The following SERPINA1 variants were observed in gnomAD, a reference collection of about 807,000 sequenced individuals.
SERPINA1 encodes the protein serpin family A member 1, also known as alpha-1-antitrypsin.
In SERPINA1, 21 loss-of-function variants were observed where a neutral mutation model predicts 25.4. The observed-to-expected ratio is 0.83, with a 90% CI of 0.59 to 1.19. The LOEUF (loss-of-function observed/expected upper bound fraction) is 1.19. Among genes scored for constraint, SERPINA1 ranks in the 50% most tolerant of loss-of-function variants. The probability of loss-of-function intolerance (pLI) is 0.00; values close to 1 mark genes in which losing one functional copy is unlikely to be tolerated. For missense variants in SERPINA1, 546 were observed against 509.0 expected (o/e 1.07, Z -0.70); for synonymous variants, 218 against 211.1 (o/e 1.03, Z -0.29).
chr14:94,388,207 G>A (rs1229661336), intron 1 of SERPINA1, among the ~76,000 whole-genome samples: 1 of 152,156 alleles, frequency 6.6e-6, no homozygotes, highest in Non-Finnish European at 1.5e-5. Flanking sequence ...TGTGCAAACA[G>A]AAAGAAATGG....
rs1896578057 is a variant in SERPINA1 at position 94,378,691 on chromosome 14, A to G, written c.1066-51T>C. 3.9e-6 allele frequency: 6 copies of G among 1,556,874 alleles called. No homozygotes were observed. In the African/African-American group the frequency reaches 9.1e-5, roughly 24 times the overall value. On this transcript the variant is annotated intron_variant, in intron 4 of 4. Transcript: ENST00000393087. Reference sequence around the variant, plus strand: ...GTTGTAAGGCTGATCCCAGGCCTCGAGCAAGGCTCACGTGGACACCTCCCA... The same window carrying G: ...GTTGTAAGGCTGATCCCAGGCCTCGGGCAAGGCTCACGTGGACACCTCCCA...
intron 1 of SERPINA1, among the ~76,000 whole-genome samples, chr14:94,384,946 T>C (rs1007998141): frequency 6.6e-6 from 1 of 152,250 alleles, no homozygotes; most frequent in South Asian, 2.1e-4. Context: ...ACACATTACA[T>C]AATACATGTT....
At chr14:94,383,480 A>G in intron 1 of SERPINA1, 2 of 577,858 alleles carry the variant, frequency 3.5e-6, no homozygotes, top group Non-Finnish European at 6.2e-6. Context: ...TTCTTGTAAC[A>G]ATCCCGTGAG....
chr14:94,378,548 G>C lies in SERPINA1; in HGVS notation c.1158C>G (p.Pro386=). The C allele has an allele frequency of 6.2e-7, 1 of 1,612,774 alleles. No homozygotes were observed. Among genetic ancestry groups the C allele is most frequent in the Non-Finnish European group, 8.5e-7 (1 of 1,178,926 alleles). The part of the protein sequence containing the change: ...FLEAIPMSIP[P]EVKFNKPFVF... ...CAAAGGGTTTGTTGAACTTGACCTC[G>C]GGGGGGATAGACATGGGTATGGCCT... The change falls in exon 5 of 5, where the codon CCC becomes CCG. Residue 386 remains proline, a synonymous_variant. Coordinates refer to ENST00000393087, the MANE Select transcript of SERPINA1 (RefSeq NM_000295.5).
chr14:94,384,373 G>A (rs959288578), intron 1 of SERPINA1, among the ~76,000 whole-genome samples: 2 of 152,094 alleles, frequency 1.3e-5, no homozygotes, highest in Admixed American at 6.5e-5. Flanking sequence ...TTGAGGGAGG[G>A]GTTGGCAGGT....
intron 1 of SERPINA1, among the ~76,000 whole-genome samples, chr14:94,386,131 C>T (rs1173512858): frequency 6.6e-6 from 1 of 152,202 alleles, no homozygotes; most frequent in East Asian, 1.9e-4. Context: ...GAGGCAGCAC[C>T]CTGCACTCCT....
chr14:94,390,305 G>C (rs573451028), upstream of SERPINA1: 1 of 152,548 alleles, frequency 6.6e-6, no homozygotes, highest in African/African-American at 2.4e-5. Context: ...CCAGCACTGG[G>C]CTGTGGTTGA....
At chr14:94,388,263 C>T (rs1248231981) in intron 1 of SERPINA1, among the ~76,000 whole-genome samples, 1 of 152,180 alleles carries the variant, frequency 6.6e-6, no homozygotes, top group Non-Finnish European at 1.5e-5. Context: ...GTCCCCCATC[C>T]TGGGGTGCCA....
Position 94,377,725 on chromosome 14 carries a change from G to A in SERPINA1, c.*724C>T, listed in dbSNP as rs981896750. ...GGGGAGAAGGGACCTGATTCTAAAC[G>A]GAGATATGTGAGGCTTTCTGGGGCA... On this transcript the variant is annotated 3_prime_UTR_variant, in exon 5 of 5. Coordinates refer to ENST00000393087, the MANE Select transcript of SERPINA1 (RefSeq NM_000295.5). 3 of 152,362 alleles carry A rather than the reference G, an allele frequency of 2.0e-5. No individual in the cohort carries two copies. The highest frequency in any genetic ancestry group is 7.2e-5 in the African/African-American group (3 of 41,436). The allele number at this position is 152,362 out of a possible 1,614,324, so 9.4% of individuals were successfully genotyped here. A position where few individuals can be genotyped will look rare whatever the true frequency, so the allele number is the denominator to read the frequency against.
At chr14:94,383,329 C>T (rs1021894353) in intron 1 of SERPINA1, 88 bp from the exon 2 acceptor site, 12 of 1,434,000 alleles carry the variant, frequency 8.4e-6, no homozygotes, top group Non-Finnish European at 1.1e-5. Flanking sequence ...GTGGAAGTGC[C>T]TAGGGATTAT....
intron 1 of SERPINA1, chr14:94,383,640 C>G: frequency 4.2e-6 from 1 of 239,280 alleles, no homozygotes; most frequent in Non-Finnish European, 8.2e-6. Flanking sequence ...CTTACATCTG[C>G]AATGACCCTA....
At chr14:94,381,725 C>G (rs1201967734) in intron 2 of SERPINA1, among the ~76,000 whole-genome samples, 1 of 152,186 alleles carries the variant, frequency 6.6e-6, no homozygotes, top group Non-Finnish European at 1.5e-5. Flanking sequence ...TCTCATTGGA[C>G]AGAAGGAGGA....
chr14:94,378,788 C>G (rs1215191314), intron 4 of SERPINA1, 148 bp from the exon 5 acceptor site: 1 of 872,956 alleles, frequency 1.1e-6, no homozygotes, highest in African/African-American at 1.7e-5. Flanking sequence ...AGGCCTTGCT[C>G]CTCCTCAAGG....
Position 94,378,610 on chromosome 14 carries a change from C to A in SERPINA1, c.1096G>T (p.Glu366Ter). 6.2e-7 allele frequency: 1 copy of A among 1,614,146 alleles called. No individual in the cohort carries two copies. The highest frequency in any genetic ancestry group is 8.5e-7 in the Non-Finnish European group (1 of 1,180,020). Residue 366 changes from glutamate to a stop codon, truncating the protein, a stop_gained, in exon 5 of 5, where the codon GAG becomes TAG. Transcript: ENST00000393087. LOFTEE classifies it low-confidence loss of function (END_TRUNC). ...GCCCCAGCAGCTTCAGTCCCTTTCTCGTCGATGGTCAGCACAGCCTTATGC... is the reference window on the plus strand; with the variant it reads ...GCCCCAGCAGCTTCAGTCCCTTTCTAGTCGATGGTCAGCACAGCCTTATGC... The part of the protein sequence containing the change: ...AVHKAVLTID[E>*]KGTEAAGAMF...
chr14:94,382,639 AG>A lies in SERPINA1; in HGVS notation c.598del (p.Asp201ThrfsTer9). On this transcript the variant is annotated frameshift_variant, in exon 2 of 5. Transcript: ENST00000393087. LOFTEE classifies it high-confidence loss of function. ...CAGAGCAAAAACTGTGTCTCTGTCAAGCTCCTTGACCAAATCCACAATTTTC... is the reference window on the plus strand; with the variant it reads ...CAGAGCAAAAACTGTGTCTCTGTCAACTCCTTGACCAAATCCACAATTTTC... Reference protein sequence around the residue: ...QGKIVDLVKELDRDTVFALVN... With the variant: ...QGKIVDLVKEXDRDTVFALVN... The A allele has an allele frequency of 6.2e-7, 1 of 1,614,244 alleles. No individual in the cohort carries two copies.
chr14:94,384,421 G>A (rs1257527799), intron 1 of SERPINA1, among the ~76,000 whole-genome samples: 1 of 152,214 alleles, frequency 6.6e-6, no homozygotes, highest in Middle Eastern at 3.2e-3. Flanking sequence ...AGGCCAGTGA[G>A]GAATACATGT....
At chr14:94,380,520 G>A (rs1412672155) in intron 3 of SERPINA1, 1 of 353,244 alleles carries the variant, frequency 2.8e-6, no homozygotes, top group Admixed American at 4.2e-5. Flanking sequence ...CCTTTGCCAG[G>A]AAGCCCATCT....
Position 94,380,904 on chromosome 14 carries a change from A to G in SERPINA1, c.884T>C (p.Ile295Thr). Residue 295 changes from isoleucine to threonine, a missense_variant, in exon 3 of 5, where the codon ATC (isoleucine) becomes ACC (threonine). Transcript: ENST00000393087. ...TTCATTTTCCAGGAACTTGGTGATG[A>G]TATCGTGGGTGAGTTCATTTTCCAG... ...QHLENELTHD[I>T]ITKFLENEDR... is the part of the protein sequence containing the mutation. The G allele has an allele frequency of 1.9e-6, 3 of 1,614,166 alleles. No individual in the cohort carries two copies. Among genetic ancestry groups the G allele is most frequent in the South Asian group, 2.2e-5 (2 of 91,088 alleles).
At chr14:94,383,445 T>C in intron 1 of SERPINA1, 1 of 597,960 alleles carries the variant, frequency 1.7e-6, no homozygotes, top group South Asian at 2.0e-5. Flanking sequence ...CTGTTCTCCG[T>C]GCTCACATGT....
Sources: gnomAD v4.1 joint callset for allele counts (sites outside exome capture counted in the v4.1 genomes callset) on GRCh38, gnomAD v4.1.1 for gene constraint, MANE v1.5 for transcripts, NCBI Gene and HGNC (gene_info 2026-07-23, HGNC 2026-07-21) for gene names.